The following AUTS2 variants were observed in gnomAD, a reference collection of about 807,000 sequenced individuals.
The protein encoded by AUTS2 is autism susceptibility gene 2 protein.
Under a neutral mutation model 112.4 loss-of-function variants are expected in AUTS2, and 17 were observed. The observed-to-expected ratio is 0.15, with a 90% CI of 0.10 to 0.23. AUTS2 has a LOEUF of 0.23. Ranked by LOEUF, AUTS2 falls within the 10% of genes least tolerant of loss-of-function variation. The pLI is 1.00. For missense variants in AUTS2, 1,510 were observed against 1,701.6 expected, an observed-to-expected ratio of 0.89 and a Z score of 1.98; for synonymous variants, 751 against 702.7, an observed-to-expected ratio of 1.07 and a Z score of -1.09.
chr7:69,655,057 A>G (rs924028087), intron 1 of AUTS2, among the ~76,000 whole-genome samples: 5 of 152,188 alleles, frequency 3.3e-5, no homozygotes, highest in Non-Finnish European at 5.9e-5. Context: ...GCCCCATAAA[A>G]CAAGGCACTC....
At chr7:69,897,395 G>A (rs1794792684) in intron 1 of AUTS2, among the ~76,000 whole-genome samples, 1 of 152,072 alleles carries the variant, frequency 6.6e-6, no homozygotes, top group African/African-American at 2.4e-5. Context: ...AGCAGATTCT[G>A]TGTCTGGTGA....
intron 4 of AUTS2, among the ~76,000 whole-genome samples, chr7:70,381,044 T>C (rs1372855380): frequency 5.3e-5 from 8 of 152,214 alleles, no homozygotes; most frequent in African/African-American, 9.7e-5. Context: ...GTTAAAAATA[T>C]TGGCAATGAT....
intron 1 of AUTS2, among the ~76,000 whole-genome samples, chr7:69,794,119 A>C (rs967121587): frequency 6.6e-6 from 1 of 152,176 alleles, no homozygotes; most frequent in African/African-American, 2.4e-5. Flanking sequence ...TTCACCTCAT[A>C]TTAGGATGGA....
At chr7:69,771,201 T>A (rs1392801444) in intron 1 of AUTS2, among the ~76,000 whole-genome samples, 2 of 152,252 alleles carry the variant, frequency 1.3e-5, no homozygotes, top group Non-Finnish European at 2.9e-5. Flanking sequence ...CCCAGCGATC[T>A]TCCTGTATGT....
intron 4 of AUTS2, among the ~76,000 whole-genome samples, chr7:70,271,262 T>A (rs1352347500): frequency 6.6e-6 from 1 of 152,196 alleles, no homozygotes; most frequent in African/African-American, 2.4e-5. Context: ...AATCTCACAC[T>A]CTTTTCTTCA....
chr7:70,659,107 T>C (rs539049424), intron 5 of AUTS2, among the ~76,000 whole-genome samples: 91 of 152,288 alleles, frequency 6.0e-4, no homozygotes, highest in African/African-American at 2.0e-3. Context: ...TAGCTTTCTT[T>C]GGGTGCTTGA....
chr7:70,764,792 C>A lies in AUTS2; in HGVS notation c.1255C>A (p.Pro419Thr). 1 of 868,682 alleles carries A rather than the reference C, an allele frequency of 1.2e-6. No homozygotes were observed. Among genetic ancestry groups the A allele is most frequent in the Non-Finnish European group, 1.9e-6 (1 of 522,734 alleles). 53.8% of individuals were successfully genotyped at this position (868,682 alleles called of 1,614,324 possible). Residue 419 changes from proline (P) to threonine (T), a missense_variant, in exon 8 of 19, where the codon CCA becomes ACA. Around this residue, in one of 3 missense-constraint regions of AUTS2, gnomAD observed 535 missense variants for 594.3 expected, o/e 0.90. Transcript: ENST00000342771. ...SSTPAKTQPA[P>T]PHISHHPSAS... ...CACTCCAGCGAAGACTCAGCCCGCC[C>A]CACCTCACATCTCCCACCACCCCTC...
chr7:69,825,116 A>G (rs529609936), intron 1 of AUTS2, among the ~76,000 whole-genome samples: 14 of 152,166 alleles, frequency 9.2e-5, no homozygotes, highest in Non-Finnish European at 2.1e-4. Flanking sequence ...TTACATAGTT[A>G]TCTTTTTAAT....
intron 2 of AUTS2, among the ~76,000 whole-genome samples, chr7:70,018,591 A>G (rs1800135604): frequency 6.6e-6 from 1 of 152,260 alleles, no homozygotes. Flanking sequence ...GATCCCGGTT[A>G]TACAACTATT....
chr7:69,627,351 C>T (rs1332551555), intron 1 of AUTS2, among the ~76,000 whole-genome samples: 2 of 151,980 alleles, frequency 1.3e-5, no homozygotes, highest in Admixed American at 1.3e-4. Flanking sequence ...ATTAGCCAGG[C>T]GTGGTGGCAC....
chr7:70,382,396 C>G (rs1793408325), intron 4 of AUTS2, among the ~76,000 whole-genome samples: 1 of 152,152 alleles, frequency 6.6e-6, no homozygotes, highest in Non-Finnish European at 1.5e-5. Flanking sequence ...CTAAAGCACA[C>G]CTCCTATACC....
intron 5 of AUTS2, among the ~76,000 whole-genome samples, chr7:70,609,392 C>CTTT (rs1193246208): frequency 2.4e-5 from 3 of 123,814 alleles, no homozygotes; most frequent in Admixed American, 8.2e-5. Flanking sequence ...ACAGGATTGT[C>CTTT]TTTTTTTTTT....
intron 5 of AUTS2, among the ~76,000 whole-genome samples, chr7:70,641,007 C>T (rs186529192): frequency 6.6e-6 from 1 of 152,292 alleles, no homozygotes; most frequent in Non-Finnish European, 1.5e-5. Flanking sequence ...CAAAGTCATC[C>T]ACAGTTGCTT....
chr7:70,515,871 G>A (rs1445591931), intron 5 of AUTS2, among the ~76,000 whole-genome samples: 1 of 152,122 alleles, frequency 6.6e-6, no homozygotes, highest in Non-Finnish European at 1.5e-5. Context: ...TAAAGTTGAG[G>A]GATTTGAAAT....
intron 4 of AUTS2, among the ~76,000 whole-genome samples, chr7:70,281,510 G>A (rs527786388): frequency 2.5e-4 from 38 of 152,324 alleles, no homozygotes; most frequent in African/African-American, 9.1e-4. Context: ...GGTGGAAACA[G>A]GAGCATAGAA....
intron 1 of AUTS2, among the ~76,000 whole-genome samples, chr7:69,898,957 G>A (rs971387658): frequency 6.6e-6 from 1 of 152,060 alleles, no homozygotes; most frequent in Non-Finnish European, 1.5e-5. Context: ...CACTTCCTTG[G>A]GGAAGGTCAT....
At chr7:70,040,644 C>T (rs1335763835) in intron 2 of AUTS2, among the ~76,000 whole-genome samples, 1 of 152,128 alleles carries the variant, frequency 6.6e-6, no homozygotes, top group Non-Finnish European at 1.5e-5. Flanking sequence ...ACCGTGGGAC[C>T]ACCCAGGAAC....
chr7:70,526,692 GTTC>G (rs1485057968), intron 5 of AUTS2, among the ~76,000 whole-genome samples: 1 of 152,126 alleles, frequency 6.6e-6, no homozygotes, highest in Non-Finnish European at 1.5e-5. Context: ...TCCTGCTTCT[GTTC>G]TTCTCTTCAT....
At chr7:70,760,346 G>C (rs1789494484) in intron 6 of AUTS2, among the ~76,000 whole-genome samples, 1 of 152,226 alleles carries the variant, frequency 6.6e-6, no homozygotes, top group African/African-American at 2.4e-5. Context: ...ATTGTACCAA[G>C]CATAAAAATC....
Sources: gnomAD v4.1 joint callset for allele counts (sites outside exome capture counted in the v4.1 genomes callset) on GRCh38, gnomAD v4.1.1 for gene constraint, gnomAD v4.1.1 regional missense constraint, MANE v1.5 for transcripts, NCBI Gene and HGNC (gene_info 2026-07-23, HGNC 2026-07-21) for gene names.